The following LCOR variants were observed in gnomAD, a reference collection of about 807,000 sequenced individuals.
LCOR encodes the protein ligand dependent nuclear receptor corepressor.
Under a neutral mutation model 64.4 loss-of-function variants are expected in LCOR, and 14 were observed. The observed-to-expected ratio is 0.22, with a 90% CI of 0.14 to 0.34. The LOEUF is 0.34. Ranked by LOEUF, LCOR falls within the 10% of genes least tolerant of loss-of-function variation. The pLI is 1.00. For missense variants in LCOR, 1,686 were observed against 1,765.3 expected (o/e 0.96, Z 0.80); for synonymous variants, 643 against 642.5 (o/e 1.00, Z -0.01).
At position 96,984,383 on chromosome 10, in the gene LCOR, G is replaced by A. The variant is rs761945854; in HGVS notation, c.3923G>A (p.Arg1308Gln). Residue 1308 changes from arginine (R) to glutamine (Q), a missense_variant, in exon 8 of 8, where the codon CGG becomes CAG. By Grantham distance (43) the Arg-to-Gln change is conservative. Coordinates refer to ENST00000421806, the MANE Select transcript of LCOR (RefSeq NM_001346516.2). ...AACCTGCCCACTCCAGCCAGTACCC[G>A]GATTCTTAGAAAATATTCCAATATT... The part of the protein sequence containing the change: ...PANLPTPAST[R>Q]ILRKYSNIRG... The A allele has an allele frequency of 6.8e-6, 11 of 1,614,038 alleles. No homozygotes were observed. Among genetic ancestry groups the A allele is most frequent in the East Asian group, 2.2e-5 (1 of 44,900 alleles).
rs373824946 is a variant in LCOR at position 96,859,356 on chromosome 10, C to A, written c.-330+25877C>A. On this transcript the variant is annotated intron_variant, in intron 2 of 7. Transcript: ENST00000421806. ...TCCCAAGTAGCTGGGATTACAGGCGCCTGCCACCACATCTGGCTAATTTTT... is the reference window on the plus strand; with the variant it reads ...TCCCAAGTAGCTGGGATTACAGGCGACTGCCACCACATCTGGCTAATTTTT... Among the ~76,000 whole-genome samples, 69 of 152,136 alleles carry A rather than the reference C, an allele frequency of 4.5e-4. 1 individual carries two copies. Among genetic ancestry groups the A allele is most frequent in the African/African-American group, 1.5e-3 (61 of 41,494 alleles).
At chr10:96,934,133 G>C (rs939608903) in intron 4 of LCOR, among the ~76,000 whole-genome samples, 1 of 151,890 alleles carries the variant, frequency 6.6e-6, no homozygotes, top group East Asian at 1.9e-4. Flanking sequence ...TATCTTTAAA[G>C]TAATCCAGAT....
chr10:96,884,090 G>A (rs1846305345), intron 2 of LCOR, among the ~76,000 whole-genome samples: 1 of 151,694 alleles, frequency 6.6e-6, no homozygotes, highest in Non-Finnish European at 1.5e-5. Context: ...TCAAGTTCAG[G>A]GACTTCTGAA....
At position 96,983,130 on chromosome 10, in the gene LCOR, A is replaced by T. The variant is rs200066238; in HGVS notation, c.2670A>T (p.Glu890Asp). The T allele has an allele frequency of 5.6e-6, 9 of 1,613,768 alleles. No homozygotes were observed. The East Asian group carries it at 2.0e-4, about 36-fold the overall frequency. ...ACACAGAAAAGCCAAGTGTCAATGA[A>T]CGCCCCTCTGAGAAAGATGCTGAGC... Reference protein sequence around the residue: ...LEDTEKPSVNERPSEKDAEQE... With the variant: ...LEDTEKPSVNDRPSEKDAEQE... Residue 890 changes from glutamate to aspartate, a missense_variant, in exon 8 of 8, where the codon GAA (glutamate) becomes GAT (aspartate). Around this residue, in one of 3 missense-constraint regions of LCOR, gnomAD observed 1,293 missense variants for 1,410.4 expected, o/e 0.92. Coordinates refer to ENST00000421806, the MANE Select transcript of LCOR (RefSeq NM_001346516.2). The surrounding 1 kb of genome is among the most constrained non-coding windows in gnomAD (Gnocchi z 4.5).
At chr10:96,907,426 A>G (rs1486254570) in intron 3 of LCOR, 96 bp downstream of exon 3, 2 of 292,162 alleles carry the variant, frequency 6.8e-6, no homozygotes, top group Non-Finnish European at 1.0e-5. Context: ...TCACGGTTTC[A>G]TGTGGGTTAA....
Position 96,853,508 on chromosome 10 carries a change from A to C in LCOR, c.-330+20029A>C, listed in dbSNP as rs117034347. 3.7e-3 allele frequency among the ~76,000 whole-genome samples: 557 copies of C among 152,312 alleles called. 2 individuals carry two copies. Among genetic ancestry groups the C allele is most frequent in the Middle Eastern group, 6.8e-3 (2 of 294 alleles). ...ACTAGAAGCATTTATTGAACTCAAG[A>C]GTTTGAGGTTCAGCTAATCTGGTCT... On this transcript the variant is annotated intron_variant, in intron 2 of 7. Transcript: ENST00000421806.
chr10:96,917,175 A>T (rs1846966530), intron 4 of LCOR, among the ~76,000 whole-genome samples: 1 of 152,194 alleles, frequency 6.6e-6, no homozygotes, highest in Admixed American at 6.5e-5. Context: ...AGGCAAGGAG[A>T]AATCATTAAT....
chr10:96,970,653 ATTTATTTTAT>A lies in LCOR; in HGVS notation c.333-10125_333-10116del, dbSNP rs879732420. ...ATTTTATTTTATTTTATTTTATTTT[ATTTATTTTAT>A]TTTATTTTATTTTAGAGACAGAGTC... On this transcript the variant is annotated intron_variant, in intron 7 of 7. Transcript: ENST00000421806. 2.5e-3 allele frequency among the ~76,000 whole-genome samples: 350 copies of A among 140,822 alleles called. 1 individual carries two copies. The highest frequency in any genetic ancestry group is 4.1e-3 in the Non-Finnish European group (264 of 64,030). The allele number at this position is 140,822 out of a possible 152,430, so 92.4% of individuals were successfully genotyped here.
At chr10:96,935,786 G>GT (rs1847340680) in intron 4 of LCOR, among the ~76,000 whole-genome samples, 1 of 152,350 alleles carries the variant, frequency 6.6e-6, no homozygotes, top group South Asian at 2.1e-4. Flanking sequence ...AGTGAGCTGT[G>GT]ATTGTGCCAC....
chr10:96,884,950 G>A (rs943368128), intron 2 of LCOR, among the ~76,000 whole-genome samples: 20 of 152,140 alleles, frequency 1.3e-4, no homozygotes, highest in African/African-American at 4.8e-4. Flanking sequence ...CTTGATGTGT[G>A]TGTTTGTTGG....
intron 4 of LCOR, among the ~76,000 whole-genome samples, chr10:96,920,604 A>C (rs866366553): frequency 7.0e-5 from 10 of 143,054 alleles, no homozygotes; most frequent in Non-Finnish European, 1.2e-4. Flanking sequence ...ATGTATGTAT[A>C]TTCATATATG....
chr10:96,932,993 T>C (rs1053005964), intron 4 of LCOR, among the ~76,000 whole-genome samples: 2 of 152,348 alleles, frequency 1.3e-5, no homozygotes, highest in Non-Finnish European at 2.9e-5. Context: ...TGCACAGTTA[T>C]AGTAACAAAA....
At chr10:96,925,072 T>G (rs1847144556) in intron 4 of LCOR, among the ~76,000 whole-genome samples, 1 of 151,820 alleles carries the variant, frequency 6.6e-6, no homozygotes, top group Non-Finnish European at 1.5e-5. Flanking sequence ...TTTATTTTCA[T>G]TTTTATTTAT....
chr10:96,861,568 G>A (rs535223088), intron 2 of LCOR, among the ~76,000 whole-genome samples: 1 of 151,796 alleles, frequency 6.6e-6, no homozygotes, highest in African/African-American at 2.4e-5. Flanking sequence ...TTTTGAGACA[G>A]GGTGTCTCAC....
chr10:96,946,730 A>C (rs908132615), intron 5 of LCOR, among the ~76,000 whole-genome samples: 9 of 152,104 alleles, frequency 5.9e-5, no homozygotes, highest in African/African-American at 1.9e-4. Context: ...GTCTTGTCTC[A>C]TGACTGTGTT....
intron 2 of LCOR, among the ~76,000 whole-genome samples, chr10:96,846,683 T>C (rs1845635391): frequency 6.6e-6 from 1 of 152,234 alleles, no homozygotes; most frequent in Non-Finnish European, 1.5e-5. Flanking sequence ...GTATAGCTTT[T>C]CATTGTATAG....
intron 2 of LCOR, among the ~76,000 whole-genome samples, chr10:96,833,868 G>C (rs1305912827): frequency 6.6e-6 from 1 of 152,102 alleles, no homozygotes; most frequent in Non-Finnish European, 1.5e-5. Context: ...GTTGTGCGAG[G>C]GGGAGAACAG....
intron 2 of LCOR, among the ~76,000 whole-genome samples, chr10:96,856,102 G>A (rs767503533): frequency 3.4e-4 from 50 of 148,892 alleles, no homozygotes; most frequent in African/African-American, 1.2e-3. Context: ...ACGGAGTCTC[G>A]CTCTGTTGCC....
intron 4 of LCOR, among the ~76,000 whole-genome samples, chr10:96,908,488 G>C (rs1464289152): frequency 6.6e-6 from 1 of 152,164 alleles, no homozygotes; most frequent in Non-Finnish European, 1.5e-5. Context: ...TCTACTTTAA[G>C]ACACTTCTTC....
Sources: allele counts gnomAD v4.1 joint callset (sites outside exome capture counted in the v4.1 genomes callset), GRCh38; gene constraint gnomAD v4.1.1; regional missense constraint gnomAD v4.1.1; non-coding constraint Gnocchi (gnomAD v3.1); transcripts MANE v1.5; gene names NCBI Gene and HGNC (gene_info 2026-07-23, HGNC 2026-07-21).